The following PTPRD variants were observed in gnomAD, a reference collection of about 807,000 sequenced individuals.
PTPRD encodes the protein receptor-type tyrosine-protein phosphatase delta.
In PTPRD, 34 loss-of-function variants were observed where a neutral mutation model predicts 214.5. That is an observed-to-expected ratio of 0.16 (90% CI 0.12 to 0.21). The LOEUF is 0.21. Ranked by LOEUF, PTPRD falls within the 10% of genes least tolerant of loss-of-function variation. PTPRD has a pLI of 1.00. For synonymous variants in PTPRD, 1,128 were observed against 845.7 expected (o/e 1.33, Z -5.79); for missense variants, 2,545 against 2,398.7 (o/e 1.06, Z -1.27).
At chr9:9,703,027 A>C (rs1281626799) in intron 7 of PTPRD, among the ~76,000 whole-genome samples, 3 of 152,090 alleles carry the variant, frequency 2.0e-5, no homozygotes, top group Admixed American at 6.6e-5. Context: ...CCCAAATCTC[A>C]TCTCGAATTG....
chr9:8,885,047 T>C (rs754357991), intron 11 of PTPRD, among the ~76,000 whole-genome samples: 2 of 152,158 alleles, frequency 1.3e-5, no homozygotes, highest in Non-Finnish European at 2.9e-5. Context: ...ATGACTATGA[T>C]AGTGCAAGTG....
chr9:9,808,729 GA>G (rs938794847), intron 5 of PTPRD, among the ~76,000 whole-genome samples: 6 of 151,964 alleles, frequency 3.9e-5, no homozygotes, highest in Admixed American at 2.6e-4. Flanking sequence ...ATTGCCTAGA[GA>G]CCCAACTTTC....
chr9:9,156,702 T>G (rs1237276277), intron 10 of PTPRD, among the ~76,000 whole-genome samples: 2 of 152,048 alleles, frequency 1.3e-5, no homozygotes, highest in Non-Finnish European at 2.9e-5. Flanking sequence ...TCATCCTCTA[T>G]GTGGACCCAG....
chr9:10,394,501 A>G (rs1461615527), intron 2 of PTPRD, among the ~76,000 whole-genome samples: 1 of 151,752 alleles, frequency 6.6e-6, no homozygotes, highest in Non-Finnish European at 1.5e-5. Context: ...TTTCATCAAT[A>G]ATAATAATTG....
At chr9:9,771,417 A>G (rs993906077) in intron 5 of PTPRD, among the ~76,000 whole-genome samples, 1 of 152,166 alleles carries the variant, frequency 6.6e-6, no homozygotes, top group African/African-American at 2.4e-5. Context: ...CGATGTATCC[A>G]TCTTGTTACT....
rs180917132 is a variant in PTPRD at position 8,482,843 on chromosome 9, T to C, written c.3413+1276A>G. On this transcript the variant is annotated intron_variant, in intron 30 of 45. Transcript: ENST00000381196. ...AGTAATGGGCCTATGCACTTACCAC[T>C]CCCTTTGCATATAGTCTCTCTTTTA... is the stretch of plus-strand genomic sequence containing the variant. Among the ~76,000 whole-genome samples the C allele has an allele frequency of 3.0e-3, 460 of 152,294 alleles. 10 individuals are homozygous for C. The highest frequency in any genetic ancestry group is 0.027 in the Admixed American group (418 of 15,296).
rs1006461674 is a variant in PTPRD at position 8,759,824 on chromosome 9, C to T, written c.-103-25878G>A. On this transcript the variant is annotated intron_variant, in intron 11 of 45. Coordinates refer to ENST00000381196, the MANE Select transcript of PTPRD (RefSeq NM_002839.4). ...GAGAAAAGTGGTTCTTCTCTTCTTC[C>T]GAGGTCTCCAGACAAGCATTCTTTC... Among the ~76,000 whole-genome samples the T allele has an allele frequency of 3.3e-5, 5 of 152,098 alleles. No individual in the cohort carries two copies. The East Asian group carries it at 5.8e-4, about 18-fold the overall frequency.
At chr9:9,075,635 C>T (rs1247110101) in intron 10 of PTPRD, among the ~76,000 whole-genome samples, 1 of 152,088 alleles carries the variant, frequency 6.6e-6, no homozygotes, top group Non-Finnish European at 1.5e-5. Context: ...TGTTCAATTC[C>T]CACCTGTGAG....
chr9:8,416,348 C>T (rs1402092577), intron 35 of PTPRD, among the ~76,000 whole-genome samples: 1 of 152,130 alleles, frequency 6.6e-6, no homozygotes, highest in Non-Finnish European at 1.5e-5. Flanking sequence ...TACACCAATG[C>T]TATCAGCAGT....
At chr9:9,689,326 C>A (rs1041373822) in intron 7 of PTPRD, among the ~76,000 whole-genome samples, 1 of 151,614 alleles carries the variant, frequency 6.6e-6, no homozygotes, top group African/African-American at 2.4e-5. Flanking sequence ...AAATAACAGT[C>A]TAGAATAAAA....
chr9:10,317,972 C>T (rs1342069086), intron 3 of PTPRD, among the ~76,000 whole-genome samples: 2 of 151,956 alleles, frequency 1.3e-5, no homozygotes, highest in African/African-American at 4.8e-5. Flanking sequence ...CCTATTTTTG[C>T]ATGTCCTGTT....
intron 8 of PTPRD, among the ~76,000 whole-genome samples, chr9:9,398,073 A>G (rs2068594869): frequency 6.6e-6 from 1 of 151,640 alleles, no homozygotes; most frequent in Admixed American, 6.6e-5. Flanking sequence ...CTAGTCTCGA[A>G]TCATAAGCCC....
At chr9:8,517,195 A>C (rs2097795539) in intron 21 of PTPRD, among the ~76,000 whole-genome samples, 1 of 152,100 alleles carries the variant, frequency 6.6e-6, no homozygotes, top group African/African-American at 2.4e-5. Context: ...AGGTTTGATA[A>C]CCTCTTAGAA....
chr9:9,386,338 C>A (rs1212688800), intron 9 of PTPRD, among the ~76,000 whole-genome samples: 1 of 152,048 alleles, frequency 6.6e-6, no homozygotes, highest in East Asian at 1.9e-4. Flanking sequence ...CAATGAGGTA[C>A]GGCACTGAGA....
chr9:10,564,649 G>A (rs10121720), intron 2 of PTPRD, among the ~76,000 whole-genome samples: 3,144 of 152,016 alleles, frequency 0.021, 90 homozygotes, highest in African/African-American at 0.071. Flanking sequence ...ACAAAATTGG[G>A]TGCAGACTCA....
At chr9:10,589,507 A>G (rs918567681) in intron 2 of PTPRD, among the ~76,000 whole-genome samples, 2 of 152,126 alleles carry the variant, frequency 1.3e-5, no homozygotes, top group South Asian at 2.1e-4. Flanking sequence ...ACATTAGAGC[A>G]TAAGTAGCCA....
chr9:10,437,798 C>T (rs1214316177), intron 2 of PTPRD, among the ~76,000 whole-genome samples: 1 of 150,568 alleles, frequency 6.6e-6, no homozygotes, highest in African/African-American at 2.5e-5. Flanking sequence ...TGATAAAATG[C>T]TATATATATC....
intron 10 of PTPRD, among the ~76,000 whole-genome samples, chr9:9,143,621 G>A (rs1339679165): frequency 6.6e-6 from 1 of 152,068 alleles, no homozygotes; most frequent in Non-Finnish European, 1.5e-5. Context: ...TCCCAATATG[G>A]GTCTCTTCAA....
At chr9:8,370,235 C>CACAT (rs369727937) in intron 39 of PTPRD, among the ~76,000 whole-genome samples, 1,042 of 57,600 alleles carry the variant, frequency 0.018, 2 homozygotes, top group Non-Finnish European at 0.046. Flanking sequence ...CACACACACA[C>CACAT]ACATATATAT....
Sources: gnomAD v4.1 joint callset for allele counts (sites outside exome capture counted in the v4.1 genomes callset) on GRCh38, gnomAD v4.1.1 for gene constraint, MANE v1.5 for transcripts, NCBI Gene and HGNC (gene_info 2026-07-23, HGNC 2026-07-21) for gene names.